COL22A1: variants seen among roughly 807,000 people sequenced by gnomAD.
COL22A1 encodes the protein collagen type XXII alpha 1 chain.
Under a neutral mutation model 248.9 loss-of-function variants are expected in COL22A1, and 221 were observed. That is an observed-to-expected ratio of 0.89 (90% CI 0.80 to 0.99). The LOEUF is 0.99. Ranked by LOEUF, COL22A1 falls within the 50% of genes least tolerant of loss-of-function variation. The pLI, the probability that COL22A1 is intolerant of heterozygous loss-of-function variation, is 0.00. For synonymous variants in COL22A1, 891 were observed against 793.4 expected (o/e 1.12, Z -2.07); for missense variants, 2,240 against 2,179.0 (o/e 1.03, Z -0.56).
chr8:138,889,359 T>C (rs1237696627), intron 1 of COL22A1, among the ~76,000 whole-genome samples: 1 of 152,240 alleles, frequency 6.6e-6, no homozygotes, highest in Non-Finnish European at 1.5e-5. Flanking sequence ...GTGGCACGTA[T>C]ACACCACGGA....
chr8:138,612,354 C>G (rs772469079), intron 56 of COL22A1, among the ~76,000 whole-genome samples: 1 of 152,092 alleles, frequency 6.6e-6, no homozygotes, highest in Non-Finnish European at 1.5e-5. Flanking sequence ...ACCTAAATAT[C>G]TATTTTGGAC....
chr8:138,677,841 T>G (rs1449457841), intron 40 of COL22A1, among the ~76,000 whole-genome samples: 2 of 152,240 alleles, frequency 1.3e-5, no homozygotes, highest in African/African-American at 2.4e-5. Context: ...ACAGTCAAGC[T>G]TGAGGCCAAG....
At chr8:138,773,858 T>G (rs1834597410) in intron 16 of COL22A1, among the ~76,000 whole-genome samples, 1 of 152,166 alleles carries the variant, frequency 6.6e-6, no homozygotes, top group Non-Finnish European at 1.5e-5. Flanking sequence ...GCCACACGCT[T>G]TGGATGTGAG....
intron 44 of COL22A1, among the ~76,000 whole-genome samples, chr8:138,657,395 T>C (rs1823374031): frequency 6.6e-6 from 1 of 152,286 alleles, no homozygotes; most frequent in Admixed American, 6.5e-5. Context: ...GGCATTCTAT[T>C]ACTAGGGATA....
chr8:138,804,017 G>C (rs56253948), intron 10 of COL22A1, among the ~76,000 whole-genome samples: 5,088 of 152,192 alleles, frequency 0.033, 196 homozygotes, highest in African/African-American at 0.095. Flanking sequence ...TAGCAATGGG[G>C]CCTCCCCTCT....
At chr8:138,687,388 T>C (rs544140409) in intron 37 of COL22A1, among the ~76,000 whole-genome samples, 1 of 152,342 alleles carries the variant, frequency 6.6e-6, no homozygotes, top group East Asian at 1.9e-4. Context: ...TGAACCTTCC[T>C]GCAAAAAGGC....
At chr8:138,853,768 C>A (rs78850480) in intron 3 of COL22A1, among the ~76,000 whole-genome samples, 7,945 of 152,290 alleles carry the variant, frequency 0.052, 236 homozygotes, top group African/African-American at 0.075. Flanking sequence ...CATTCACACA[C>A]CATGACCTCC....
At chr8:138,847,288 TG>T (rs1039510402) in intron 3 of COL22A1, among the ~76,000 whole-genome samples, 2 of 152,182 alleles carry the variant, frequency 1.3e-5, no homozygotes, top group Admixed American at 1.3e-4. Context: ...ACTGGTGGAA[TG>T]GGGAGCCTCC....
chr8:138,726,127 A>T (rs532372429), intron 23 of COL22A1, among the ~76,000 whole-genome samples: 1 of 151,594 alleles, frequency 6.6e-6, no homozygotes, highest in East Asian at 2.0e-4. Context: ...GAAACGTAAG[A>T]CCCGTTTCCA....
intron 49 of COL22A1, among the ~76,000 whole-genome samples, chr8:138,634,378 T>C (rs207470013): frequency 6.6e-6 from 1 of 152,170 alleles, no homozygotes; most frequent in African/African-American, 2.4e-5. Flanking sequence ...CCCAGGGGAC[T>C]GGTCCTGGGC....
At chr8:138,690,896 G>A in intron 35 of COL22A1, 22 bp from the exon 36 acceptor site, 1 of 1,599,852 alleles carries the variant, frequency 6.3e-7, no homozygotes, top group East Asian at 2.3e-5. Context: ...CAGAAGTTTA[G>A]AAAGGCCAAA....
intron 17 of COL22A1, among the ~76,000 whole-genome samples, chr8:138,760,995 T>C (rs1833438515): frequency 6.6e-6 from 1 of 152,160 alleles, no homozygotes; most frequent in South Asian, 2.1e-4. Flanking sequence ...TCTCCATCCA[T>C]GGACAGAGGG....
intron 43 of COL22A1, among the ~76,000 whole-genome samples, chr8:138,661,643 G>A (rs956310287): frequency 2.6e-5 from 4 of 152,138 alleles, no homozygotes; most frequent in Non-Finnish European, 4.4e-5. Flanking sequence ...ATACATCTGC[G>A]GAATTCCATG....
At chr8:138,595,981 C>T (rs1817508932) in intron 62 of COL22A1, among the ~76,000 whole-genome samples, 1 of 152,186 alleles carries the variant, frequency 6.6e-6, no homozygotes. Context: ...TGAGGCTGCC[C>T]AGGTGCAAAT....
At chr8:138,853,886 G>A (rs1490070139) in intron 3 of COL22A1, among the ~76,000 whole-genome samples, 1 of 152,184 alleles carries the variant, frequency 6.6e-6, no homozygotes, top group Non-Finnish European at 1.5e-5. Context: ...CCCAAGTTTG[G>A]CTGACACCCA....
intron 12 of COL22A1, among the ~76,000 whole-genome samples, chr8:138,782,579 T>A (rs1815111804): frequency 6.6e-6 from 1 of 151,832 alleles, no homozygotes; most frequent in African/African-American, 2.4e-5. Context: ...GGCAGGAGAA[T>A]CGCTTGAACC....
intron 40 of COL22A1, among the ~76,000 whole-genome samples, chr8:138,678,833 T>C (rs1369472410): frequency 6.6e-6 from 1 of 152,200 alleles, no homozygotes; most frequent in Admixed American, 6.5e-5. Flanking sequence ...CAAATCCTCA[T>C]GTATCTTATG....
At chr8:138,889,885 T>C (rs1824928737) in intron 1 of COL22A1, among the ~76,000 whole-genome samples, 1 of 152,166 alleles carries the variant, frequency 6.6e-6, no homozygotes, top group South Asian at 2.1e-4. Flanking sequence ...AATCTCCAAG[T>C]TTTTAGAGAA....
chr8:138,846,634 A>T (rs77680508), intron 3 of COL22A1, among the ~76,000 whole-genome samples: 2 of 149,598 alleles, frequency 1.3e-5, no homozygotes, highest in African/African-American at 4.8e-5. Context: ...TGGGGTCCTC[A>T]GGGTCCACCT....
Sources: allele counts gnomAD v4.1 joint callset (sites outside exome capture counted in the v4.1 genomes callset), GRCh38; gene constraint gnomAD v4.1.1; transcripts MANE v1.5; gene names NCBI Gene and HGNC (gene_info 2026-07-23, HGNC 2026-07-21).